ALK: variants seen among roughly 807,000 people sequenced by gnomAD.
ALK encodes ALK receptor tyrosine kinase.
A neutral mutation model predicts 163.1 loss-of-function variants in ALK; 74 were observed. The ratio of observed to expected loss-of-function variants is 0.45; its 90% CI spans 0.38 to 0.55. The LOEUF is 0.55. Ranked by LOEUF, ALK falls within the 20% of genes least tolerant of loss-of-function variation. The pLI, the probability that ALK is intolerant of heterozygous loss-of-function variation, is 0.00. For missense variants in ALK, 2,063 were observed against 2,105.3 expected, an observed-to-expected ratio of 0.98 and a Z score of 0.39; for synonymous variants, 960 against 843.2, an observed-to-expected ratio of 1.14 and a Z score of -2.40.
At chr2:29,901,764 G>T (rs1470338391) in intron 1 of ALK, among the ~76,000 whole-genome samples, 1 of 152,192 alleles carries the variant, frequency 6.6e-6, no homozygotes, top group Non-Finnish European at 1.5e-5. Flanking sequence ...GATTGGAGAG[G>T]GGGTCAGGAA....
rs147252027 is a variant in ALK at position 29,502,486 on chromosome 2, G to A, written c.1154+29429C>T. ...CCAAACAGAGCATGGATCACTCAAC[G>A]TTTTATTACTCAGAGGTTCTTGTTA... On this transcript the variant is annotated intron_variant, in intron 4 of 28. Coordinates refer to ENST00000389048, the MANE Select transcript of ALK (RefSeq NM_004304.5). Among the ~76,000 whole-genome samples, 1,248 of 152,184 alleles carry A rather than the reference G, an allele frequency of 8.2e-3. 11 individuals are homozygous for A. Among genetic ancestry groups the A allele is most frequent in the African/African-American group, 0.028 (1,175 of 41,528 alleles).
chr2:29,749,339 G>A lies in ALK; in HGVS notation c.668-31642C>T, dbSNP rs531570362. Reference sequence around the variant, plus strand: ...AGGTAACCTTTTAAAAATCACCAGAGGAGCTTTTCAACCCACACTCATTAT... The same window carrying A: ...AGGTAACCTTTTAAAAATCACCAGAAGAGCTTTTCAACCCACACTCATTAT... On this transcript the variant is annotated intron_variant, in intron 1 of 28. Transcript: ENST00000389048. 7.9e-5 allele frequency among the ~76,000 whole-genome samples: 12 copies of A among 152,292 alleles called. No homozygotes were observed. The South Asian group carries it at 2.3e-3, about 29-fold the overall frequency.
intron 23 of ALK, among the ~76,000 whole-genome samples, chr2:29,214,976 G>A (rs12987571): frequency 0.093 from 14,159 of 152,180 alleles, 820 homozygotes; most frequent in Non-Finnish European, 0.12. Context: ...GTGGCTGATT[G>A]GTTGATTATA....
In ALK at chr2:29,503,555, T is replaced by C. The variant is rs1052068590; in HGVS notation, c.1154+28360A>G. ...TGCATGGGCACCGTACCATGGCACA[T>C]AGAGATCTGGGCAAATGACTTTGCT... is the stretch of plus-strand genomic sequence containing the variant. On this transcript the variant is annotated intron_variant, in intron 4 of 28. Coordinates refer to ENST00000389048, the MANE Select transcript of ALK (RefSeq NM_004304.5). Among the ~76,000 whole-genome samples, 16 of 152,292 alleles carry C rather than the reference T, an allele frequency of 1.1e-4. No individual in the cohort carries two copies. In the East Asian group the frequency reaches 2.1e-3, roughly 20 times the overall value.
chr2:29,221,835 G>T (rs1028565039), intron 22 of ALK, among the ~76,000 whole-genome samples: 12 of 152,176 alleles, frequency 7.9e-5, no homozygotes, highest in Admixed American at 2.6e-4. Context: ...TGTCACAGCG[G>T]ACGCCCTCAG....
intron 11 of ALK, among the ~76,000 whole-genome samples, chr2:29,262,861 T>C (rs1282614960): frequency 6.6e-6 from 1 of 152,204 alleles, no homozygotes; most frequent in Non-Finnish European, 1.5e-5. Flanking sequence ...GGCTGCTGTA[T>C]TGTGTTCGCA....
At chr2:29,852,832 T>TTCTCTCTCTCTC (rs56348355) in intron 1 of ALK, among the ~76,000 whole-genome samples, 9 of 148,476 alleles carry the variant, frequency 6.1e-5, no homozygotes, top group African/African-American at 2.0e-4. Context: ...GACCAGAGCT[T>TTCTCTCTCTCTC]TCTCTCTCTC....
chr2:29,848,474 C>G (rs1665905515), intron 1 of ALK, among the ~76,000 whole-genome samples: 1 of 152,040 alleles, frequency 6.6e-6, no homozygotes. Context: ...AATTACCAAA[C>G]TGCTGGATAA....
At chr2:29,567,398 A>T (rs1674222575) in intron 3 of ALK, among the ~76,000 whole-genome samples, 2 of 152,206 alleles carry the variant, frequency 1.3e-5, no homozygotes, top group Non-Finnish European at 2.9e-5. Context: ...AGTCGCTCAT[A>T]AATGGGCAGG....
rs190809118 is a variant in ALK at position 29,657,033 on chromosome 2, C to A, written c.952+37817G>T. Among the ~76,000 whole-genome samples, 5 of 152,254 alleles carry A rather than the reference C, an allele frequency of 3.3e-5. No individual in the cohort carries two copies. In the East Asian group the frequency reaches 9.7e-4, roughly 29 times the overall value. On this transcript the variant is annotated intron_variant, in intron 3 of 28. Transcript: ENST00000389048. Reference sequence around the variant, plus strand: ...AAACGGCATCAGTTCAGGTAAGCTGCCAGCTTGAAGTAAGATTGGTGAAGT... The same window carrying A: ...AAACGGCATCAGTTCAGGTAAGCTGACAGCTTGAAGTAAGATTGGTGAAGT...
chr2:29,214,106 C>G (rs771921627), intron 23 of ALK, 25 bp from the exon 24 acceptor site: 1 of 1,599,266 alleles, frequency 6.3e-7, no homozygotes, highest in African/African-American at 1.3e-5. Flanking sequence ...AAGCGGGCCA[C>G]TGACGAGGAG....
intron 5 of ALK, among the ~76,000 whole-genome samples, chr2:29,337,362 T>C (rs1260884559): frequency 6.6e-6 from 1 of 152,212 alleles, no homozygotes; most frequent in East Asian, 1.9e-4. Context: ...AGAGTTAGTT[T>C]GAGGCCTAGC....
chr2:29,740,988 C>A (rs1177402952), intron 1 of ALK, among the ~76,000 whole-genome samples: 1 of 152,006 alleles, frequency 6.6e-6, no homozygotes, highest in Non-Finnish European at 1.5e-5. Flanking sequence ...GGTGACAGAA[C>A]AAGTCTCTGC....
In ALK at chr2:29,920,485, C is replaced by G. The variant is rs1553380428; in HGVS notation, c.175G>C (p.Val59Leu). ...LQRKSLAVDF[V>L]VPSLFRVYAR... Reference sequence around the variant, plus strand: ...TAGACACGGAAGAGCGAGGGCACCACGAAGTCAACTGCCAGACTCTTCCTC... The same window carrying G: ...TAGACACGGAAGAGCGAGGGCACCAGGAAGTCAACTGCCAGACTCTTCCTC... The change falls in exon 1 of 29, where the codon GTG becomes CTG. Residue 59 changes from valine (V) to leucine (L), a missense_variant. Val to Leu is a conservative substitution (Grantham distance 32, BLOSUM62 1). Coordinates refer to ENST00000389048, the MANE Select transcript of ALK (RefSeq NM_004304.5). 6.2e-7 allele frequency: 1 copy of G among 1,613,114 alleles called. No individual in the cohort carries two copies. Among genetic ancestry groups the G allele is most frequent in the Non-Finnish European group, 8.5e-7 (1 of 1,179,688 alleles).
chr2:29,250,504 C>G (rs904347373), intron 12 of ALK, among the ~76,000 whole-genome samples: 1 of 152,162 alleles, frequency 6.6e-6, no homozygotes. Context: ...GGGGGTCTTG[C>G]AATCAGGGTC....
intron 2 of ALK, among the ~76,000 whole-genome samples, chr2:29,709,246 C>A (rs891328537): frequency 7.9e-5 from 12 of 152,148 alleles, no homozygotes; most frequent in African/African-American, 2.9e-4. Context: ...CAAATTAAGT[C>A]CAGCTCAGGA....
chr2:29,271,910 G>A (rs1052087889), intron 11 of ALK, among the ~76,000 whole-genome samples: 2 of 152,200 alleles, frequency 1.3e-5, no homozygotes, highest in Non-Finnish European at 2.9e-5. Flanking sequence ...AAGTTTGGGC[G>A]GGTTCTCCCA....
chr2:29,434,496 T>G (rs541431458), intron 4 of ALK, among the ~76,000 whole-genome samples: 104 of 152,348 alleles, frequency 6.8e-4, no homozygotes, highest in African/African-American at 2.5e-3. Flanking sequence ...CCATAATGTG[T>G]TCCTTTTTGA....
At chr2:29,500,957 C>T (rs1672159779) in intron 4 of ALK, among the ~76,000 whole-genome samples, 1 of 152,164 alleles carries the variant, frequency 6.6e-6, no homozygotes, top group South Asian at 2.1e-4. Context: ...TTCTTGTCTT[C>T]CCACTATCAG....
Sources: gnomAD v4.1 joint callset for allele counts (sites outside exome capture counted in the v4.1 genomes callset) on GRCh38, gnomAD v4.1.1 for gene constraint, MANE v1.5 for transcripts, NCBI Gene and HGNC (gene_info 2026-07-23, HGNC 2026-07-21) for gene names.